Variants in TUT7 observed in about 807,000 individuals in gnomAD.
TUT7 encodes the protein terminal uridylyltransferase 7.
A neutral mutation model predicts 165.9 loss-of-function variants in TUT7; 33 were observed. That is an observed-to-expected ratio of 0.20 (90% CI 0.15 to 0.27). TUT7 has a LOEUF of 0.27. TUT7 is among the 10% of genes least tolerant of loss of function. The pLI, the probability that TUT7 is intolerant of heterozygous loss-of-function variation, is 1.00. For synonymous variants in TUT7, 552 were observed against 608.1 expected, an observed-to-expected ratio of 0.91 and a Z score of 1.36; for missense variants, 1,338 against 1,762.3, an observed-to-expected ratio of 0.76 and a Z score of 4.31.
Position 86,353,008 on chromosome 9 carries a change from G to T in TUT7, c.192C>A (p.Thr64=), listed in dbSNP as rs756586482. 4 of 1,613,968 alleles carry T rather than the reference G, an allele frequency of 2.5e-6. No homozygotes were observed. The highest frequency in any genetic ancestry group is 2.7e-5 in the African/African-American group (2 of 74,888). ...AAACAGCACATGGTCCTTTTCTGGG[G>T]GTATTCCCATAGTTCCCTGGTGTTA... ...KKITPGNYGN[T]PRKGPCAVSS... The change falls in exon 2 of 27, where the codon ACC becomes ACA. Residue 64 remains threonine (T), a synonymous_variant. Coordinates refer to ENST00000375963, the MANE Select transcript of TUT7 (RefSeq NM_024617.4).
intron 26 of TUT7, among the ~76,000 whole-genome samples, chr9:86,291,559 C>T (rs576126728): frequency 1.1e-4 from 14 of 132,150 alleles, no homozygotes; most frequent in Admixed American, 4.3e-4. Context: ...GCAACAAGAG[C>T]GAAACTCCAT....
At chr9:86,348,291 T>C (rs1013502272) in intron 2 of TUT7, among the ~76,000 whole-genome samples, 1 of 152,254 alleles carries the variant, frequency 6.6e-6, no homozygotes, top group South Asian at 2.1e-4. Context: ...TGTATCTTAT[T>C]ATGCAACAGA....
intron 3 of TUT7, 57 bp downstream of exon 3, chr9:86,346,241 AC>A (rs760524962): frequency 3.3e-5 from 51 of 1,539,984 alleles, no homozygotes; most frequent in Non-Finnish European, 4.4e-5. Flanking sequence ...TCAATTAACA[AC>A]AAAATTGAGG....
intron 19 of TUT7, 21 bp downstream of exon 19, chr9:86,309,907 C>A: frequency 1.3e-6 from 2 of 1,595,716 alleles, no homozygotes; most frequent in South Asian, 2.2e-5. Context: ...CCTGATAAGT[C>A]ACAATAGGAA....
chr9:86,335,805 G>A (rs1484135120), intron 10 of TUT7, among the ~76,000 whole-genome samples: 3 of 152,066 alleles, frequency 2.0e-5, no homozygotes, highest in East Asian at 3.9e-4. Context: ...ATTTTGGTTC[G>A]GGTGGTAGTG....
intron 26 of TUT7, among the ~76,000 whole-genome samples, chr9:86,299,048 A>G (rs574915171): frequency 6.6e-6 from 1 of 152,274 alleles, no homozygotes; most frequent in South Asian, 2.1e-4. Flanking sequence ...CGCGCAGGAC[A>G]GACAGGAGTG....
intron 2 of TUT7, among the ~76,000 whole-genome samples, chr9:86,350,689 T>C (rs899585472): frequency 1.3e-5 from 2 of 152,242 alleles, no homozygotes; most frequent in African/African-American, 4.8e-5. Context: ...TTTTGATATA[T>C]TACAACAGAG....
chr9:86,350,750 TTA>T (rs1219751449), intron 2 of TUT7, among the ~76,000 whole-genome samples: 2 of 152,254 alleles, frequency 1.3e-5, no homozygotes, highest in East Asian at 3.8e-4. Flanking sequence ...GATTTAAGTT[TTA>T]TGTCTCCCTA....
intron 10 of TUT7, among the ~76,000 whole-genome samples, chr9:86,335,715 T>A (rs1830702228): frequency 6.6e-6 from 1 of 152,188 alleles, no homozygotes; most frequent in Admixed American, 6.5e-5. Context: ...GTAAAATATC[T>A]AGCATAAAGA....
At chr9:86,318,851 T>C in intron 16 of TUT7, 107 bp downstream of exon 16, 1 of 776,828 alleles carries the variant, frequency 1.3e-6, no homozygotes, top group Middle Eastern at 2.4e-4. Flanking sequence ...CAGCACACTC[T>C]ATATGGTATG....
chr9:86,306,349 G>A (rs1827480528), intron 22 of TUT7, among the ~76,000 whole-genome samples: 1 of 152,156 alleles, frequency 6.6e-6, no homozygotes, highest in African/African-American at 2.4e-5. Context: ...CGAAGTATAG[G>A]ACCCTTCCTT....
chr9:86,301,600 C>T lies in TUT7; in HGVS notation c.4096G>A (p.Val1366Ile). Residue 1366 changes from valine to isoleucine, a missense_variant and splice_region_variant, in exon 26 of 27, where the codon GTA (valine) becomes ATA (isoleucine). Physicochemically the swap from Val to Ile is conservative, Grantham distance 29 (BLOSUM62 3). Transcript: ENST00000375963. ...TCTTCCTGATCTCGCCGCCGTCTTA[C>T]TCTGTAGAAGATATCATATTAGTAG... is the stretch of plus-strand genomic sequence containing the variant. Reference protein sequence around the residue: ...FMKDCPMRRKVRRRRDQEDAL... With the variant: ...FMKDCPMRRKIRRRRDQEDAL... The T allele has an allele frequency of 6.2e-7, 1 of 1,611,554 alleles. No individual in the cohort carries two copies. Among genetic ancestry groups the T allele is most frequent in the Non-Finnish European group, 8.5e-7 (1 of 1,179,382 alleles).
In TUT7 at chr9:86,341,047, G is replaced by T; in HGVS notation, c.1093C>A (p.Gln365Lys). 6.2e-7 allele frequency: 1 copy of T among 1,611,376 alleles called. No homozygotes were observed. The highest frequency in any genetic ancestry group is 1.1e-5 in the South Asian group (1 of 90,972). The change falls in exon 7 of 27, where the codon CAG (glutamine) becomes AAG (lysine). Residue 365 changes from glutamine to lysine, a missense_variant. Transcript: ENST00000375963. ...IDIQFPAIMS[Q>K]PDVLLLVQEC... is the part of the protein sequence containing the mutation. Reference sequence around the variant, plus strand: ...TGAACAAGTAAGAGGACATCTGGCTGAGACATCTAGGAAATAAATCAATGA... The same window carrying T: ...TGAACAAGTAAGAGGACATCTGGCTTAGACATCTAGGAAATAAATCAATGA...
At chr9:86,310,072 T>C (rs1372630545) in intron 18 of TUT7, 55 bp from the exon 19 acceptor site, 15 of 1,346,948 alleles carry the variant, frequency 1.1e-5, no homozygotes, top group African/African-American at 1.1e-4. Flanking sequence ...AAGGGTCTCT[T>C]TTTTTTTTTT....
At chr9:86,318,688 A>G (rs555485836) in intron 16 of TUT7, among the ~76,000 whole-genome samples, 1 of 152,280 alleles carries the variant, frequency 6.6e-6, no homozygotes, top group Admixed American at 6.5e-5. Flanking sequence ...AGCCAATGGG[A>G]CACTGAAGAG....
At position 86,337,437 on chromosome 9, in the gene TUT7, A is replaced by G. The variant is rs1332831453; in HGVS notation, c.1437T>C (p.Pro479=). 3 of 1,613,452 alleles carry G rather than the reference A, an allele frequency of 1.9e-6. No individual in the cohort carries two copies. Among genetic ancestry groups the G allele is most frequent in the Non-Finnish European group, 2.5e-6 (3 of 1,179,722 alleles). The change falls in exon 10 of 27, where the codon CCT becomes CCC. Residue 479 remains proline, a synonymous_variant. Coordinates refer to ENST00000375963, the MANE Select transcript of TUT7 (RefSeq NM_024617.4). The stretch of plus-strand genomic sequence containing the variant: ...TTTATACCCATGATCCTAGATATAC[A>G]GGCAAAAGGGGTTCTTTCCTCTGCT... The part of the protein sequence containing the change: ...FLQQRKEPLL[P]VYLGSWIEGF...
At chr9:86,333,444 G>C (rs1460906869) in intron 10 of TUT7, among the ~76,000 whole-genome samples, 1 of 152,062 alleles carries the variant, frequency 6.6e-6, no homozygotes, top group Non-Finnish European at 1.5e-5. Flanking sequence ...TTTTCAGTTT[G>C]AGAATTTTCT....
intron 14 of TUT7, among the ~76,000 whole-genome samples, chr9:86,321,077 G>A (rs1829239725): frequency 6.6e-6 from 1 of 152,134 alleles, no homozygotes; most frequent in African/African-American, 2.4e-5. Context: ...TTTTGGCCGG[G>A]AGCGGTGGCT....
chr9:86,331,236 C>T (rs548029231), intron 10 of TUT7, among the ~76,000 whole-genome samples: 11 of 151,908 alleles, frequency 7.2e-5, no homozygotes, highest in Admixed American at 1.3e-4. Flanking sequence ...CATAGTGGAA[C>T]CTTGTCTCTT....
Sources: gnomAD v4.1 joint callset for allele counts (sites outside exome capture counted in the v4.1 genomes callset) on GRCh38, gnomAD v4.1.1 for gene constraint, MANE v1.5 for transcripts, NCBI Gene and HGNC (gene_info 2026-07-23, HGNC 2026-07-21) for gene names.